Variants in CSTPP1 observed in about 807,000 individuals in gnomAD.
CSTPP1 encodes centriolar satellite-associated tubulin polyglutamylase complex regulator 1.
the CSTPP1 span, among the ~76,000 whole-genome samples, chr11:46,960,930 G>A: frequency 0.76 from 115,580 of 152,138 alleles, 44,623 homozygotes; most frequent in African/African-American, 0.84. Flanking sequence ...GCTAAATAAT[G>A]TTTGATTGTA....
At chr11:46,957,921 C>A in the CSTPP1 span, among the ~76,000 whole-genome samples, 1 of 152,080 alleles carries the variant, frequency 6.6e-6, no homozygotes, top group East Asian at 1.9e-4. Flanking sequence ...TATGTAAAGA[C>A]CTAGATACAT....
At chr11:46,984,053 C>G in the CSTPP1 span, among the ~76,000 whole-genome samples, 1 of 152,198 alleles carries the variant, frequency 6.6e-6, no homozygotes, top group African/African-American at 2.4e-5. Context: ...GGGGACAGGA[C>G]AGACAGACAT....
the CSTPP1 span, among the ~76,000 whole-genome samples, chr11:46,968,314 C>T: frequency 6.8e-6 from 1 of 147,666 alleles, no homozygotes; most frequent in Non-Finnish European, 1.5e-5. Context: ...TCCCTCAATA[C>T]AATTCTAGCA....
At chr11:47,114,108 C>A in the CSTPP1 span, among the ~76,000 whole-genome samples, 3 of 152,264 alleles carry the variant, frequency 2.0e-5, no homozygotes, top group East Asian at 5.8e-4. Context: ...ATAGGGAATC[C>A]TTTCCCCATT....
chr11:47,052,462 G>A, the CSTPP1 span: 4 of 1,614,002 alleles, frequency 2.5e-6, no homozygotes, highest in Non-Finnish European at 3.4e-6. Context: ...CCCCACAATA[G>A]GGTATCATTT....
At chr11:47,152,463 C>A in the CSTPP1 span, among the ~76,000 whole-genome samples, 2 of 152,098 alleles carry the variant, frequency 1.3e-5, no homozygotes, top group Admixed American at 6.6e-5. Flanking sequence ...AGCTTCTAGT[C>A]CCATCTGTGG....
the CSTPP1 span, among the ~76,000 whole-genome samples, chr11:47,115,826 G>C: frequency 6.6e-6 from 1 of 150,430 alleles, no homozygotes; most frequent in Non-Finnish European, 1.5e-5. Flanking sequence ...TTTCAGTTCT[G>C]CTCTGATCTT....
chr11:47,154,704 C>T, the CSTPP1 span, among the ~76,000 whole-genome samples: 1 of 152,152 alleles, frequency 6.6e-6, no homozygotes, highest in Admixed American at 6.5e-5. Flanking sequence ...ATCTCAGTAC[C>T]ACTTGCCAAG....
At chr11:46,963,351 G>A in the CSTPP1 span, among the ~76,000 whole-genome samples, 1 of 147,380 alleles carries the variant, frequency 6.8e-6, no homozygotes, top group South Asian at 2.1e-4. Flanking sequence ...ATGAAAGGAT[G>A]TTAGACTTTG....
the CSTPP1 span, among the ~76,000 whole-genome samples, chr11:47,059,558 C>T: frequency 2.0e-5 from 3 of 152,066 alleles, no homozygotes; most frequent in East Asian, 1.9e-4. Flanking sequence ...ATAAGGAATA[C>T]GTTCTAAAAA....
At chr11:46,996,397 G>A in the CSTPP1 span, among the ~76,000 whole-genome samples, 223 of 151,640 alleles carry the variant, frequency 1.5e-3, no homozygotes, top group African/African-American at 5.1e-3. Context: ...TCCGCCTCCC[G>A]GGTTCACGCC....
chr11:47,153,170 G>A, the CSTPP1 span, among the ~76,000 whole-genome samples: 1 of 152,194 alleles, frequency 6.6e-6, no homozygotes, highest in Admixed American at 6.5e-5. Flanking sequence ...TGGGGAGGGA[G>A]CTGTTCTGCT....
the CSTPP1 span, among the ~76,000 whole-genome samples, chr11:47,143,868 T>C: frequency 5.9e-5 from 9 of 152,188 alleles, no homozygotes; most frequent in African/African-American, 1.9e-4. Context: ...ATAGTTGTAA[T>C]GATTGAAGGA....
the CSTPP1 span, among the ~76,000 whole-genome samples, chr11:47,022,431 G>A: frequency 8.2e-6 from 1 of 122,590 alleles, no homozygotes; most frequent in African/African-American, 3.1e-5. Context: ...GTACAGTGGT[G>A]TGATCTCGGT....
At chr11:46,959,909 C>T in the CSTPP1 span, among the ~76,000 whole-genome samples, 2 of 150,376 alleles carry the variant, frequency 1.3e-5, no homozygotes, top group African/African-American at 2.5e-5. Context: ...CTCTGTAACC[C>T]AGGCTGGAAT....
chr11:46,942,924 TA>T, the CSTPP1 span, among the ~76,000 whole-genome samples: 2 of 152,138 alleles, frequency 1.3e-5, no homozygotes, highest in African/African-American at 4.8e-5. Context: ...ACTAAAAAGA[TA>T]AAAACAAACC....
At chr11:47,163,420 C>G in the CSTPP1 span, among the ~76,000 whole-genome samples, 1 of 152,048 alleles carries the variant, frequency 6.6e-6, no homozygotes, top group Non-Finnish European at 1.5e-5. Context: ...CCCTGGCTTA[C>G]AGCCCCCTGG....
the CSTPP1 span, among the ~76,000 whole-genome samples, chr11:47,073,614 G>C: frequency 6.6e-6 from 1 of 152,006 alleles, no homozygotes; most frequent in East Asian, 1.9e-4. Flanking sequence ...GAATAGGAGG[G>C]AGAGAAGAAG....
the CSTPP1 span, among the ~76,000 whole-genome samples, chr11:47,128,026 G>A: frequency 2.0e-5 from 3 of 152,048 alleles, no homozygotes; most frequent in African/African-American, 7.2e-5. Context: ...ACAGGCATGC[G>A]CCACCAGGCC....
Sources: allele counts gnomAD v4.1 joint callset (sites outside exome capture counted in the v4.1 genomes callset), GRCh38; gene constraint gnomAD v4.1.1; transcripts MANE v1.5; gene names NCBI Gene and HGNC (gene_info 2026-07-23, HGNC 2026-07-21).